NAV1: variants seen among roughly 807,000 people sequenced by gnomAD.
NAV1 encodes neuron navigator 1, also known as pore membrane and/or filament interacting like protein 3.
A neutral mutation model predicts 175.2 loss-of-function variants in NAV1; 18 were observed. The observed-to-expected ratio is 0.10, with a 90% confidence interval of 0.07 to 0.15. The LOEUF (loss-of-function observed/expected upper bound fraction) is 0.15, where lower values mean the gene tolerates loss of function less well. Ranked by LOEUF, NAV1 falls within the 10% of genes least tolerant of loss-of-function variation. NAV1 has a pLI of 1.00. For synonymous variants in NAV1, 897 were observed against 978.7 expected, an observed-to-expected ratio of 0.92 and a Z score of 1.56; for missense variants, 1,731 against 2,436.6, an observed-to-expected ratio of 0.71 and a Z score of 6.10.
At chr1:201,721,480 C>G (rs1672381996) in intron 3 of NAV1, among the ~76,000 whole-genome samples, 1 of 148,014 alleles carries the variant, frequency 6.8e-6, no homozygotes, top group African/African-American at 2.7e-5. Flanking sequence ...ATTCCAGCGA[C>G]TCTTTAAGTG....
chr1:201,627,116 A>G (rs903717277), intron 1 of NAV1, among the ~76,000 whole-genome samples: 3 of 152,066 alleles, frequency 2.0e-5, no homozygotes, highest in Admixed American at 6.5e-5. Flanking sequence ...TTTACTGGAG[A>G]CAGATTCTTG....
chr1:201,677,973 G>A (rs1670319426), intron 1 of NAV1, among the ~76,000 whole-genome samples: 1 of 152,056 alleles, frequency 6.6e-6, no homozygotes, highest in Admixed American at 6.5e-5. Context: ...CAAACATGCT[G>A]CCCCATTCTG....
chr1:201,724,486 TGAGCTGTGTCTGAGCTGG>T (rs950163242), intron 3 of NAV1: 2 of 152,216 alleles, frequency 1.3e-5, no homozygotes, highest in African/African-American at 4.8e-5. Context: ...TGTGAATGGG[TGAGCTGTGTCTGAGCTGG>T]GTGGCAGTAA....
chr1:201,825,038 T>C (rs554339298), exon 30 of NAV1: 1 of 152,360 alleles, frequency 6.6e-6, no homozygotes, highest in Admixed American at 6.5e-5. Flanking sequence ...ATTCAGACTT[T>C]AACATTAATT....
intron 2 of NAV1, among the ~76,000 whole-genome samples, chr1:201,615,171 TG>T (rs1667966772): frequency 6.6e-6 from 1 of 152,176 alleles, no homozygotes; most frequent in Admixed American, 6.5e-5. Flanking sequence ...TCCCATTCTG[TG>T]TCTGAATTTG....
At chr1:201,600,960 TC>T (rs1667494806) in intron 2 of NAV1, among the ~76,000 whole-genome samples, 1 of 152,236 alleles carries the variant, frequency 6.6e-6, no homozygotes, top group African/African-American at 2.4e-5. Context: ...CCTGCTGTTC[TC>T]TTTTCCTCTT....
intron 2 of NAV1, among the ~76,000 whole-genome samples, chr1:201,637,279 C>T (rs547131572): frequency 2.6e-5 from 4 of 152,338 alleles, no homozygotes; most frequent in African/African-American, 9.6e-5. Context: ...CTTCTCATTA[C>T]TTTCGCAGTT....
chr1:201,818,742 G>A (rs977685052), intron 29 of NAV1, among the ~76,000 whole-genome samples: 1 of 152,190 alleles, frequency 6.6e-6, no homozygotes, highest in African/African-American at 2.4e-5. Context: ...CATTTTGGAA[G>A]ATAATTTGGC....
rs752215720 is a variant in NAV1 at position 201,813,089 on chromosome 1, C to T, written c.5222-51C>T. On this transcript the variant is annotated intron_variant, in intron 27 of 29. Transcript: ENST00000367296. The surrounding 1 kb of genome is among the most constrained non-coding windows in gnomAD (Gnocchi z 4.2). ...CTAAGGAGTAAAAGAGGCACACAAC[C>T]GGGAAGATCTAGGTTCCCAGCCATC... The T allele has an allele frequency of 1.3e-5, 17 of 1,335,372 alleles. No homozygotes were observed. The highest frequency in any genetic ancestry group is 4.3e-4 in the Middle Eastern group (2 of 4,638). 82.7% of individuals were successfully genotyped at this position (1,335,372 alleles called of 1,614,324 possible).
At chr1:201,559,500 A>C (rs1032370517) in intron 1 of NAV1, among the ~76,000 whole-genome samples, 1 of 152,068 alleles carries the variant, frequency 6.6e-6, no homozygotes, top group South Asian at 2.1e-4. Flanking sequence ...GGAGGTGAGA[A>C]GCTTTGTCCG....
chr1:201,688,768 G>A (rs1670782918), intron 1 of NAV1, among the ~76,000 whole-genome samples: 1 of 152,212 alleles, frequency 6.6e-6, no homozygotes, highest in Non-Finnish European at 1.5e-5. Flanking sequence ...TAGCGTCTCT[G>A]GCTGACAGCA....
chr1:201,623,181 A>G, exon 1 of NAV1: 6 of 985,946 alleles, frequency 6.1e-6, no homozygotes, highest in South Asian at 4.7e-5. Flanking sequence ...TCAGCTCCCC[A>G]TGGAATAGTC....
At chr1:201,824,025 G>A (rs1449323755) in exon 30 of NAV1, 1 of 151,906 alleles carries the variant, frequency 6.6e-6, no homozygotes, top group Non-Finnish European at 1.5e-5. Flanking sequence ...CCAAATCAAG[G>A]TCAAGAAGAT....
At chr1:201,679,883 T>G (rs1038534259) in intron 1 of NAV1, among the ~76,000 whole-genome samples, 5 of 152,260 alleles carry the variant, frequency 3.3e-5, no homozygotes, top group Non-Finnish European at 7.3e-5. Flanking sequence ...GGAATTCTTC[T>G]GTATGAGAGA....
At chr1:201,662,771 A>C (rs1229368169) in intron 1 of NAV1, among the ~76,000 whole-genome samples, 1 of 152,170 alleles carries the variant, frequency 6.6e-6, no homozygotes, top group Non-Finnish European at 1.5e-5. Context: ...GGCTCTGGAG[A>C]ACCTAGAGGC....
intron 1 of NAV1, among the ~76,000 whole-genome samples, chr1:201,680,523 A>G (rs1670426032): frequency 6.6e-6 from 1 of 152,042 alleles, no homozygotes; most frequent in Non-Finnish European, 1.5e-5. Context: ...AATAATAACA[A>G]ATAAATAAAT....
chr1:201,714,159 C>A (rs1024410591), intron 2 of NAV1, among the ~76,000 whole-genome samples: 3 of 152,208 alleles, frequency 2.0e-5, no homozygotes, highest in Non-Finnish European at 4.4e-5. Flanking sequence ...GATCCACACG[C>A]CTTGGCCTCC....
chr1:201,764,010 C>G (rs1571468420), intron 3 of NAV1, among the ~76,000 whole-genome samples: 1 of 152,302 alleles, frequency 6.6e-6, no homozygotes, highest in Non-Finnish European at 1.5e-5. Flanking sequence ...TCCACTTTGC[C>G]TGACTCCTTG....
chr1:201,739,892 C>A (rs1673290554), intron 3 of NAV1: 1 of 1,285,954 alleles, frequency 7.8e-7, no homozygotes, highest in Admixed American at 4.2e-5. Context: ...GGAGGGCAGG[C>A]GAGGGTTAGG....
Sources: allele counts gnomAD v4.1 joint callset (sites outside exome capture counted in the v4.1 genomes callset), GRCh38; gene constraint gnomAD v4.1.1; non-coding constraint Gnocchi (gnomAD v3.1); transcripts MANE v1.5; gene names NCBI Gene and HGNC (gene_info 2026-07-23, HGNC 2026-07-21).